GPR160: variants seen among roughly 807,000 people sequenced by gnomAD.
The protein encoded by GPR160 is probable G protein-coupled receptor 160.
A neutral mutation model predicts 2.6 loss-of-function variants in GPR160; 2 were observed. The ratio of observed to expected loss-of-function variants is 0.77; its 90% CI spans 0.32 to 2.44. The LOEUF is 2.44. Among genes scored for constraint, GPR160 ranks in the 30% most tolerant of loss-of-function variants. The pLI, the probability that GPR160 is intolerant of heterozygous loss-of-function variation, is 0.11. For missense variants in GPR160, 351 were observed against 383.6 expected, an observed-to-expected ratio of 0.91 and a Z score of 0.71; for synonymous variants, 130 against 132.2, an observed-to-expected ratio of 0.98 and a Z score of 0.12.
chr3:170,060,774 ATAATAC>A (rs749002343), intron 2 of GPR160, among the ~76,000 whole-genome samples: 100 of 152,152 alleles, frequency 6.6e-4, no homozygotes, highest in Admixed American at 5.8e-3. Flanking sequence ...CTGTCTCAAA[ATAATAC>A]TAATAATAAA....
chr3:170,050,453 G>A (rs1716910901), intron 2 of GPR160, among the ~76,000 whole-genome samples: 1 of 149,322 alleles, frequency 6.7e-6, no homozygotes, highest in African/African-American at 2.5e-5. Context: ...TTGTTGTCCA[G>A]GCTGGAGTAC....
At chr3:170,050,678 A>G (rs1377699413) in intron 2 of GPR160, among the ~76,000 whole-genome samples, 1 of 152,170 alleles carries the variant, frequency 6.6e-6, no homozygotes, top group East Asian at 1.9e-4. Context: ...TTGTCTGGGA[A>G]ATTTCAAATA....
Position 170,066,130 on chromosome 3 carries a change from C to CTTTTTTTTTTTTTTTTTTTT in GPR160, c.-192-13635_-192-13616dup, listed in dbSNP as rs768660597. Among the ~76,000 whole-genome samples, 19 of 85,212 alleles carry CTTTTTTTTTTTTTTTTTTTT rather than the reference C, an allele frequency of 2.2e-4. 3 individuals carry two copies. The highest frequency in any genetic ancestry group is 6.7e-4 in the African/African-American group (13 of 19,454). 55.9% of individuals were successfully genotyped at this position (85,212 alleles called of 152,430 possible). On this transcript the variant is annotated intron_variant, in intron 2 of 3. Coordinates refer to ENST00000355897, the MANE Select transcript of GPR160 (RefSeq NM_014373.3). ...ACTTGACACTATTCTTTTTCTTTTT[C>CTTTTTTTTTTTTTTTTTTTT]TTTTTTTTTTTTTTTTTTTTTTTTT...
At chr3:170,078,478 T>A (rs1460558142) in intron 2 of GPR160, among the ~76,000 whole-genome samples, 1 of 152,184 alleles carries the variant, frequency 6.6e-6, no homozygotes, top group Non-Finnish European at 1.5e-5. Flanking sequence ...GTCTGCCTGG[T>A]AATGCAAGAT....
rs1464481880 is a variant in GPR160 at position 170,079,896 on chromosome 3, GAGTA to G, written c.-69+4_-69+7del. ...CATCAGTCAAGGAAGACCCACTGGA[GAGTA>G]AGTATGCAAGTTGTTAATAATTAAT... On this transcript the variant is annotated splice_donor_variant and splice_donor_region_variant and 5_prime_UTR_variant and intron_variant, in exon 3 of 4. Coordinates refer to ENST00000355897, the MANE Select transcript of GPR160 (RefSeq NM_014373.3). LOFTEE classifies it low-confidence loss of function (5UTR_SPLICE). 6.6e-6 allele frequency: 1 copy of G among 152,200 alleles called. No individual in the cohort carries two copies. The highest frequency in any genetic ancestry group is 1.5e-5 in the Non-Finnish European group (1 of 68,046). The allele number at this position is 152,200 out of a possible 1,614,324, so 9.4% of individuals were successfully genotyped here. A position where few individuals can be genotyped will look rare whatever the true frequency, so the allele number is the denominator to read the frequency against.
chr3:170,038,167 C>G lies in GPR160; in HGVS notation c.-370C>G, dbSNP rs960757779. On this transcript the variant is annotated 5_prime_UTR_variant, in exon 1 of 4. Coordinates refer to ENST00000355897, the MANE Select transcript of GPR160 (RefSeq NM_014373.3). The surrounding 1 kb of genome is among the most constrained non-coding windows in gnomAD (Gnocchi z 5.3). ...GGCGGTCACCTGGGCACGGGCGCTGCAGGTGTCGGGGCCTCAACCTTGCGG... is the reference window on the plus strand; with the variant it reads ...GGCGGTCACCTGGGCACGGGCGCTGGAGGTGTCGGGGCCTCAACCTTGCGG... 1.3e-5 allele frequency: 2 copies of G among 152,456 alleles called. No individual in the cohort carries two copies. Among genetic ancestry groups the G allele is most frequent in the African/African-American group, 2.4e-5 (1 of 41,536 alleles). 9.4% of individuals were successfully genotyped at this position (152,456 alleles called of 1,614,324 possible).
At position 170,084,981 on chromosome 3, in the gene GPR160, A is replaced by G; in HGVS notation, c.1009A>G (p.Ile337Val). The G allele has an allele frequency of 7.0e-7, 1 of 1,423,818 alleles. No individual in the cohort carries two copies. 88.2% of individuals were successfully genotyped at this position (1,423,818 alleles called of 1,614,324 possible). ...EQIEKPISIM[I>V]C ...AATTGAAAAGCCTATATCAATAATG[A>G]TTTGTTAATATTATTAATTAAAAGT... The change falls in exon 4 of 4, where the codon ATT becomes GTT. Residue 337 changes from isoleucine to valine, a missense_variant. Ile to Val is a conservative substitution (Grantham distance 29). Coordinates refer to ENST00000355897, the MANE Select transcript of GPR160 (RefSeq NM_014373.3).
At chr3:170,057,979 C>T (rs566712533) in intron 2 of GPR160, 15 of 152,076 alleles carry the variant, frequency 9.9e-5, no homozygotes, top group African/African-American at 2.2e-4. Context: ...AAGCAAGACA[C>T]GAATTTACTA....
intron 2 of GPR160, among the ~76,000 whole-genome samples, chr3:170,050,128 C>T (rs1261210154): frequency 6.6e-6 from 1 of 151,036 alleles, no homozygotes; most frequent in Non-Finnish European, 1.5e-5. Flanking sequence ...GGTGCGTTCT[C>T]GGCTCACTGC....
rs10542909 is a variant in GPR160, at chr3:170,059,030, A to AACAC, written c.-193+20014_-193+20017dup. On this transcript the variant is annotated intron_variant, in intron 2 of 3. Transcript: ENST00000355897. ...ACACATGTACACACACACATGCACA[A>AACAC]ACACACACACACACACACACACACA... Among the ~76,000 whole-genome samples, 583 of 148,894 alleles carry AACAC rather than the reference A, an allele frequency of 3.9e-3. 4 individuals carry two copies. The highest frequency in any genetic ancestry group is 0.012 in the African/African-American group (483 of 40,656).
At chr3:170,052,814 A>C (rs1576893722) in intron 2 of GPR160, among the ~76,000 whole-genome samples, 2 of 152,116 alleles carry the variant, frequency 1.3e-5, no homozygotes, top group South Asian at 4.1e-4. Flanking sequence ...TTGCAAACAT[A>C]TTCTCCTTTG....
chr3:170,079,414 TTAAA>T (rs1713022413), intron 2 of GPR160, among the ~76,000 whole-genome samples: 1 of 152,226 alleles, frequency 6.6e-6, no homozygotes, highest in Admixed American at 6.5e-5. Context: ...ACCATATTAT[TTAAA>T]TAACATTTTA....
chr3:170,067,816 C>T (rs1398520758), intron 2 of GPR160, among the ~76,000 whole-genome samples: 3 of 151,974 alleles, frequency 2.0e-5, no homozygotes, highest in African/African-American at 7.3e-5. Flanking sequence ...CCATTTTTCC[C>T]CTTTGTTTTT....
At chr3:170,045,961 T>C (rs1423424082) in intron 2 of GPR160, among the ~76,000 whole-genome samples, 1 of 152,104 alleles carries the variant, frequency 6.6e-6, no homozygotes, top group African/African-American at 2.4e-5. Context: ...CATAGGGCGG[T>C]GAGGATTCAG....
At chr3:170,048,191 G>A (rs1716810707) in intron 2 of GPR160, among the ~76,000 whole-genome samples, 2 of 152,208 alleles carry the variant, frequency 1.3e-5, no homozygotes, top group Non-Finnish European at 2.9e-5. Flanking sequence ...GTTCTCACTT[G>A]TAAGTAAGTG....
intron 2 of GPR160, among the ~76,000 whole-genome samples, chr3:170,074,401 C>T (rs1576911552): frequency 6.6e-6 from 1 of 151,618 alleles, no homozygotes; most frequent in African/African-American, 2.4e-5. Context: ...TCTTTTTTTC[C>T]CCTAAAGAAG....
chr3:170,062,290 T>G (rs944827909), intron 2 of GPR160: 1 of 193,872 alleles, frequency 5.2e-6, no homozygotes, highest in Non-Finnish European at 1.0e-5. Context: ...GCAGCGGGGG[T>G]GACAGCGACG....
At chr3:170,061,222 C>G (rs1329080239) in intron 2 of GPR160, among the ~76,000 whole-genome samples, 10 of 151,446 alleles carry the variant, frequency 6.6e-5, no homozygotes, top group African/African-American at 2.4e-4. Flanking sequence ...TTGCAGTGAG[C>G]CGATATGGCG....
intron 2 of GPR160, among the ~76,000 whole-genome samples, chr3:170,061,420 T>C (rs977314738): frequency 2.6e-5 from 4 of 152,100 alleles, no homozygotes; most frequent in African/African-American, 9.7e-5. Context: ...AGTTTTAATA[T>C]GGACTATGTA....
Sources: gnomAD v4.1 joint callset for allele counts (sites outside exome capture counted in the v4.1 genomes callset) on GRCh38, gnomAD v4.1.1 for gene constraint, Gnocchi (gnomAD v3.1) non-coding constraint, MANE v1.5 for transcripts, NCBI Gene and HGNC (gene_info 2026-07-23, HGNC 2026-07-21) for gene names.